NRXN3: variants seen among roughly 807,000 people sequenced by gnomAD.
NRXN3 encodes the protein neurexin 3, also known as neurexin III.
In NRXN3, 32 loss-of-function variants were observed where a neutral mutation model predicts 137.6. The ratio of observed to expected loss-of-function variants is 0.23; its 90% CI spans 0.18 to 0.31. NRXN3 has a LOEUF of 0.31. Ranked by LOEUF, NRXN3 falls within the 10% of genes least tolerant of loss-of-function variation. NRXN3 has a pLI of 1.00. For missense variants in NRXN3, 1,574 were observed against 2,062.5 expected, an observed-to-expected ratio of 0.76 and a Z score of 4.59; for synonymous variants, 798 against 784.5, an observed-to-expected ratio of 1.02 and a Z score of -0.29.
chr14:78,862,287 G>A (rs1208175116), intron 10 of NRXN3, among the ~76,000 whole-genome samples: 1 of 152,064 alleles, frequency 6.6e-6, no homozygotes, highest in Non-Finnish European at 1.5e-5. Context: ...TAGATAGATG[G>A]AAAAAGCCCT....
intron 8 of NRXN3, among the ~76,000 whole-genome samples, chr14:78,774,852 G>A (rs1318106556): frequency 6.6e-6 from 1 of 152,072 alleles, no homozygotes; most frequent in Non-Finnish European, 1.5e-5. Context: ...TGAGCCAAGG[G>A]TTTGAGGCTA....
chr14:79,222,191 GC>G (rs1172875549), intron 15 of NRXN3, among the ~76,000 whole-genome samples: 2 of 152,120 alleles, frequency 1.3e-5, no homozygotes, highest in Non-Finnish European at 2.9e-5. Context: ...GTAGTGTGAT[GC>G]CCCCAGCTTT....
intron 15 of NRXN3, among the ~76,000 whole-genome samples, chr14:79,217,132 G>A (rs1354012028): frequency 8.3e-6 from 1 of 121,116 alleles, no homozygotes; most frequent in Non-Finnish European, 1.8e-5. Flanking sequence ...GCAAGACTCT[G>A]TCTCAAAAAA....
At chr14:78,708,043 T>C (rs181509177) in intron 6 of NRXN3, among the ~76,000 whole-genome samples, 3 of 152,336 alleles carry the variant, frequency 2.0e-5, no homozygotes, top group Admixed American at 6.5e-5. Flanking sequence ...TATAATGACT[T>C]CTTTTCCTCT....
chr14:79,372,763 A>C (rs2094147825), intron 15 of NRXN3, among the ~76,000 whole-genome samples: 1 of 152,112 alleles, frequency 6.6e-6, no homozygotes, highest in South Asian at 2.1e-4. Flanking sequence ...AAATTTTCTG[A>C]AATTCCCATT....
intron 6 of NRXN3, among the ~76,000 whole-genome samples, chr14:78,699,191 C>T (rs570718093): frequency 1.3e-5 from 2 of 151,030 alleles, no homozygotes; most frequent in African/African-American, 4.9e-5. Context: ...AGGAAGAAAT[C>T]AGCTGTGGGT....
At chr14:79,736,936 A>G (rs1165615475) in intron 19 of NRXN3, among the ~76,000 whole-genome samples, 1 of 152,218 alleles carries the variant, frequency 6.6e-6, no homozygotes, top group Non-Finnish European at 1.5e-5. Context: ...GGAAGTCACC[A>G]ACATAGCCCT....
rs548830303 is a variant in NRXN3, at chr14:78,680,467, A to G, written c.1222-28750A>G. The stretch of plus-strand genomic sequence containing the variant: ...AAAAATAAGAGACGACAGGTTCTTG[A>G]GCAGAAACTGTGATTCAGAATTTTG... On this transcript the variant is annotated intron_variant, in intron 6 of 20. Transcript: ENST00000335750. 3.9e-5 allele frequency among the ~76,000 whole-genome samples: 6 copies of G among 152,340 alleles called. 1 individual carries two copies. The South Asian group carries it at 1.0e-3, about 26-fold the overall frequency.
At chr14:79,435,421 T>A (rs1464300380) in intron 15 of NRXN3, among the ~76,000 whole-genome samples, 1 of 151,954 alleles carries the variant, frequency 6.6e-6, no homozygotes, top group African/African-American at 2.4e-5. Flanking sequence ...GCTGGTGGGA[T>A]TGGGACATGA....
chr14:78,538,964 T>C (rs1014719775), intron 4 of NRXN3, among the ~76,000 whole-genome samples: 3 of 152,160 alleles, frequency 2.0e-5, no homozygotes, highest in Admixed American at 2.0e-4. Flanking sequence ...GGGATGAAGC[T>C]GACTTGATCA....
chr14:79,365,728 A>G (rs1330885182), intron 15 of NRXN3, among the ~76,000 whole-genome samples: 2 of 142,132 alleles, frequency 1.4e-5, no homozygotes, highest in Non-Finnish European at 3.1e-5. Flanking sequence ...TCTGTCTCAA[A>G]AAAAAAAAAA....
chr14:78,856,254 A>C (rs567356120), intron 10 of NRXN3, among the ~76,000 whole-genome samples: 2 of 152,326 alleles, frequency 1.3e-5, no homozygotes, highest in Admixed American at 1.3e-4. Context: ...CACTGATAAC[A>C]AGAATGGGGG....
At chr14:79,627,369 G>C (rs908839484) in intron 16 of NRXN3, among the ~76,000 whole-genome samples, 1 of 152,136 alleles carries the variant, frequency 6.6e-6, no homozygotes. Context: ...TTGCTTCCTA[G>C]TGTACTTCTG....
intron 6 of NRXN3, among the ~76,000 whole-genome samples, chr14:78,700,969 A>G (rs1266815224): frequency 6.6e-6 from 1 of 151,936 alleles, no homozygotes; most frequent in Non-Finnish European, 1.5e-5. Flanking sequence ...ACGGGGTTTC[A>G]CCATCTTGGC....
chr14:78,393,996 A>G (rs113219344), intron 4 of NRXN3, among the ~76,000 whole-genome samples: 3 of 151,882 alleles, frequency 2.0e-5, no homozygotes, highest in African/African-American at 7.2e-5. Flanking sequence ...GTGTGTGTGT[A>G]TGTGTAGATT....
intron 10 of NRXN3, among the ~76,000 whole-genome samples, chr14:78,822,720 A>G (rs550364406): frequency 5.1e-4 from 77 of 152,010 alleles, no homozygotes; most frequent in Admixed American, 1.2e-3. Context: ...CAAAAAAAAA[A>G]AAAAGAAAAG....
intron 15 of NRXN3, among the ~76,000 whole-genome samples, chr14:79,285,713 C>T (rs1371155992): frequency 1.3e-5 from 2 of 152,094 alleles, no homozygotes; most frequent in Non-Finnish European, 2.9e-5. Context: ...TCCCTAAAAG[C>T]CTCATTTTAA....
At chr14:79,781,943 G>A (rs897725021) in intron 19 of NRXN3, among the ~76,000 whole-genome samples, 4 of 152,204 alleles carry the variant, frequency 2.6e-5, no homozygotes, top group African/African-American at 9.7e-5. Context: ...CTTTGAAGCA[G>A]TACAATTTCT....
At chr14:79,793,631 C>T (rs1469394155) in intron 19 of NRXN3, among the ~76,000 whole-genome samples, 1 of 152,082 alleles carries the variant, frequency 6.6e-6, no homozygotes, top group African/African-American at 2.4e-5. Context: ...AACTAAGGGC[C>T]CCCTTGCCCA....
Sources: gnomAD v4.1 joint callset for allele counts (sites outside exome capture counted in the v4.1 genomes callset) on GRCh38, gnomAD v4.1.1 for gene constraint, MANE v1.5 for transcripts, NCBI Gene and HGNC (gene_info 2026-07-23, HGNC 2026-07-21) for gene names.